WWOX: variants seen among roughly 807,000 people sequenced by gnomAD.
WWOX encodes the protein WW domain-containing oxidoreductase.
WWOX carries 69 observed loss-of-function variants against 46.2 expected under a neutral mutation model. The observed-to-expected ratio is 1.49, with a 90% CI of 1.23 to 1.82. The LOEUF (loss-of-function observed/expected upper bound fraction) is 1.82, where lower values mean the gene tolerates loss of function less well. WWOX is among the 40% of genes most tolerant of loss of function. The probability of loss-of-function intolerance (pLI) is 0.00; values close to 1 mark genes in which losing one functional copy is unlikely to be tolerated. For missense variants in WWOX, 919 were observed against 542.6 expected (o/e 1.69, Z -6.89); for synonymous variants, 359 against 202.6 (o/e 1.77, Z -6.56).
chr16:78,780,268 A>C (rs1221878958), intron 8 of WWOX: 1 of 152,198 alleles, frequency 6.6e-6, no homozygotes, highest in Non-Finnish European at 1.5e-5. Context: ...AGGGAGATCC[A>C]TAAAGTTCTT....
chr16:78,438,459 CT>C (rs61198259), intron 8 of WWOX, among the ~76,000 whole-genome samples: 5 of 149,728 alleles, frequency 3.3e-5, no homozygotes, highest in Admixed American at 2.7e-4. Flanking sequence ...CCAACCCCAC[CT>C]TTTTTTTTTC....
At chr16:78,707,933 C>A (rs941602762) in intron 8 of WWOX, among the ~76,000 whole-genome samples, 13 of 152,160 alleles carry the variant, frequency 8.5e-5, no homozygotes, top group African/African-American at 3.1e-4. Context: ...GGTGCAAAAG[C>A]AATCGTGGTT....
intron 8 of WWOX, among the ~76,000 whole-genome samples, chr16:78,879,695 T>C (rs1202852851): frequency 6.6e-6 from 1 of 151,976 alleles, no homozygotes; most frequent in Non-Finnish European, 1.5e-5. Context: ...CTGATCAACA[T>C]GGAGAAACCC....
At chr16:78,730,647 A>C (rs1367609925) in intron 8 of WWOX, among the ~76,000 whole-genome samples, 1 of 138,992 alleles carries the variant, frequency 7.2e-6, no homozygotes, top group Non-Finnish European at 1.5e-5. Context: ...TTAAGTAGAG[A>C]CAGGGTCTTG....
chr16:79,136,700 C>T (rs1473027706), intron 8 of WWOX, among the ~76,000 whole-genome samples: 2 of 152,170 alleles, frequency 1.3e-5, no homozygotes, highest in South Asian at 2.1e-4. Context: ...AGTTGCATGA[C>T]CTGGGGCAGG....
At chr16:78,733,789 G>C (rs1223944636) in intron 8 of WWOX, among the ~76,000 whole-genome samples, 2 of 151,852 alleles carry the variant, frequency 1.3e-5, no homozygotes, top group African/African-American at 4.8e-5. Flanking sequence ...AACTAGGCTA[G>C]GCACAGTGGG....
intron 8 of WWOX, among the ~76,000 whole-genome samples, chr16:78,792,825 T>C (rs1333294506): frequency 6.6e-6 from 1 of 152,118 alleles, no homozygotes; most frequent in Non-Finnish European, 1.5e-5. Context: ...GGAGCTCTGA[T>C]TGTCCACAGC....
chr16:79,007,675 C>T (rs2047216981), intron 8 of WWOX, among the ~76,000 whole-genome samples: 1 of 152,228 alleles, frequency 6.6e-6, no homozygotes. Flanking sequence ...GCACTGTTAT[C>T]AGATGAAGAA....
chr16:79,030,809 A>G (rs1490203826), intron 8 of WWOX, among the ~76,000 whole-genome samples: 3 of 152,148 alleles, frequency 2.0e-5, no homozygotes, highest in East Asian at 1.9e-4. Flanking sequence ...AGGGCTGGGC[A>G]TGGTGCCTCA....
intron 8 of WWOX, among the ~76,000 whole-genome samples, chr16:79,083,185 G>GC (rs1567537934): frequency 7.9e-5 from 12 of 152,172 alleles, no homozygotes; most frequent in African/African-American, 2.9e-4. Context: ...CCCTACTTGA[G>GC]GGCGCAGGTA....
chr16:78,941,584 T>G (rs1410095661), intron 8 of WWOX, among the ~76,000 whole-genome samples: 1 of 152,034 alleles, frequency 6.6e-6, no homozygotes, highest in Non-Finnish European at 1.5e-5. Flanking sequence ...AATGGCATTA[T>G]CTTCCCACAG....
At chr16:78,815,082 C>T (rs1028804298) in intron 8 of WWOX, among the ~76,000 whole-genome samples, 5 of 152,262 alleles carry the variant, frequency 3.3e-5, no homozygotes, top group Middle Eastern at 3.4e-3. Context: ...CCCAACACTT[C>T]GGGAGGCCGA....
chr16:79,114,401 T>C (rs539747678), intron 8 of WWOX, among the ~76,000 whole-genome samples: 44 of 151,750 alleles, frequency 2.9e-4, no homozygotes, highest in Admixed American at 7.2e-4. Context: ...TATCTACATG[T>C]ATGCACATAC....
At chr16:78,897,372 T>C (rs2044728193) in intron 8 of WWOX, 1 of 152,128 alleles carries the variant, frequency 6.6e-6, no homozygotes, top group Non-Finnish European at 1.5e-5. Context: ...GTTTCAATCA[T>C]TGTAACTTTG....
At chr16:78,666,306 A>T (rs534025294) in intron 8 of WWOX, among the ~76,000 whole-genome samples, 10 of 152,026 alleles carry the variant, frequency 6.6e-5, no homozygotes, top group Admixed American at 1.3e-4. Flanking sequence ...ATAAATAAAT[A>T]AATTAAAAAG....
chr16:78,601,816 G>T (rs1035651887), intron 8 of WWOX, among the ~76,000 whole-genome samples: 2 of 152,090 alleles, frequency 1.3e-5, no homozygotes, highest in Admixed American at 1.3e-4. Context: ...AGGGAAAGGT[G>T]ACATTCCAAC....
chr16:78,359,990 A>C (rs2081375832), intron 5 of WWOX, among the ~76,000 whole-genome samples: 1 of 152,214 alleles, frequency 6.6e-6, no homozygotes, highest in Admixed American at 6.5e-5. Context: ...ATTTTAAATG[A>C]GCTTAGCAGT....
At chr16:78,933,213 T>C (rs553699416) in intron 8 of WWOX, among the ~76,000 whole-genome samples, 1 of 152,008 alleles carries the variant, frequency 6.6e-6, no homozygotes, top group East Asian at 1.9e-4. Flanking sequence ...CCAAGGCGGG[T>C]GGATCACCTA....
intron 8 of WWOX, among the ~76,000 whole-genome samples, chr16:78,729,416 T>C (rs1044192737): frequency 6.6e-6 from 1 of 152,052 alleles, no homozygotes; most frequent in African/African-American, 2.4e-5. Flanking sequence ...AACACGTGGA[T>C]ATGCCCTTAC....
Sources: gnomAD v4.1 joint callset for allele counts (sites outside exome capture counted in the v4.1 genomes callset) on GRCh38, gnomAD v4.1.1 for gene constraint, MANE v1.5 for transcripts, NCBI Gene and HGNC (gene_info 2026-07-23, HGNC 2026-07-21) for gene names.